Variants in ASIC2 observed in about 807,000 individuals in gnomAD.
ASIC2 encodes the protein acid-sensing ion channel 2.
In ASIC2, 25 loss-of-function variants were observed where a neutral mutation model predicts 57.3. The observed-to-expected ratio is 0.44, with a 90% CI of 0.32 to 0.61. The LOEUF is 0.61. Among genes scored for constraint, ASIC2 ranks in the 20% least tolerant of loss-of-function variants. The pLI, the probability that ASIC2 is intolerant of heterozygous loss-of-function variation, is 0.06. For missense variants in ASIC2, 641 were observed against 738.1 expected (o/e 0.87, Z 1.52); for synonymous variants, 319 against 307.5 (o/e 1.04, Z -0.39).
rs188008134 is a variant in ASIC2 at position 33,244,703 on chromosome 17, G to T, written c.708+46705C>A. On this transcript the variant is annotated intron_variant, in intron 1 of 9. Coordinates refer to ENST00000225823, the MANE Select transcript of ASIC2 (RefSeq NM_183377.2). ...GACCCTTGGCTCTTAGAGGATCCTT[G>T]CATATAGGGTCTTGTGCTTTCAACA... 3.9e-5 allele frequency among the ~76,000 whole-genome samples: 6 copies of T among 152,304 alleles called. No homozygotes were observed. The East Asian group carries it at 1.2e-3, about 29-fold the overall frequency.
At chr17:33,169,093 G>C (rs1433795561) in intron 1 of ASIC2, among the ~76,000 whole-genome samples, 1 of 152,198 alleles carries the variant, frequency 6.6e-6, no homozygotes, top group Non-Finnish European at 1.5e-5. Context: ...GCTGCCTTGG[G>C]AACCTGCACC....
At chr17:33,078,043 C>T (rs1224071474) in intron 3 of ASIC2, among the ~76,000 whole-genome samples, 3 of 144,886 alleles carry the variant, frequency 2.1e-5, no homozygotes, top group African/African-American at 8.7e-5. Flanking sequence ...CAGTGAACTG[C>T]CCATGAATCA....
chr17:33,014,755 C>T (rs1170568843), intron 9 of ASIC2, among the ~76,000 whole-genome samples: 1 of 152,100 alleles, frequency 6.6e-6, no homozygotes, highest in Non-Finnish European at 1.5e-5. Context: ...GGAGGAGAAA[C>T]AGGGTGGAGA....
intron 1 of ASIC2, among the ~76,000 whole-genome samples, chr17:33,459,478 C>G (rs1219925811): frequency 6.6e-6 from 1 of 152,122 alleles, no homozygotes; most frequent in Non-Finnish European, 1.5e-5. Flanking sequence ...CTTTCTTTGT[C>G]TTAGTTTTAT....
chr17:33,922,293 T>C (rs1915724469), intron 1 of ASIC2, among the ~76,000 whole-genome samples: 1 of 151,852 alleles, frequency 6.6e-6, no homozygotes, highest in South Asian at 2.1e-4. Context: ...CCCTCCTTCC[T>C]TCCCTCCCTC....
chr17:33,761,063 G>A (rs1268406663), intron 1 of ASIC2, among the ~76,000 whole-genome samples: 1 of 152,188 alleles, frequency 6.6e-6, no homozygotes. Context: ...TGTACCAGGT[G>A]TAGACATTCC....
intron 1 of ASIC2, among the ~76,000 whole-genome samples, chr17:33,613,427 C>G (rs374692485): frequency 1.4e-5 from 2 of 145,402 alleles, no homozygotes; most frequent in Non-Finnish European, 3.0e-5. Context: ...TGCAGTGTTG[C>G]GATCTCGGCT....
chr17:33,606,637 G>A (rs549352189), intron 1 of ASIC2, among the ~76,000 whole-genome samples: 1 of 152,214 alleles, frequency 6.6e-6, no homozygotes, highest in African/African-American at 2.4e-5. Context: ...CAGTGTCTAT[G>A]TATGTAGCAT....
chr17:34,109,257 A>C (rs964139972), intron 1 of ASIC2, among the ~76,000 whole-genome samples: 1 of 152,146 alleles, frequency 6.6e-6, no homozygotes, highest in Non-Finnish European at 1.5e-5. Flanking sequence ...TGTAGACGAT[A>C]CGTATAGCTC....
chr17:33,147,839 C>T lies in ASIC2; in HGVS notation c.709-35772G>A, dbSNP rs144397421. Among the ~76,000 whole-genome samples, 252 of 152,328 alleles carry T rather than the reference C, an allele frequency of 1.7e-3. 1 individual carries two copies. Among genetic ancestry groups the T allele is most frequent in the South Asian group, 7.7e-3 (37 of 4,822 alleles). ...CCTGTGGACCCCAATTTAGCTCCTA[C>T]TCAGGGGCTTCCCTCTCCAAGTTGG... On this transcript the variant is annotated intron_variant, in intron 1 of 9. Transcript: ENST00000225823.
At chr17:33,945,872 C>T (rs1225686257) in intron 1 of ASIC2, among the ~76,000 whole-genome samples, 1 of 152,196 alleles carries the variant, frequency 6.6e-6, no homozygotes, top group Admixed American at 6.5e-5. Context: ...GGAATTCATG[C>T]CCCACTGACC....
intron 1 of ASIC2, among the ~76,000 whole-genome samples, chr17:34,067,888 A>T (rs1909231592): frequency 6.6e-6 from 1 of 152,246 alleles, no homozygotes; most frequent in Non-Finnish European, 1.5e-5. Flanking sequence ...TACACAGATG[A>T]TAGACAGATG....
chr17:33,114,335 A>G (rs900922621), intron 1 of ASIC2, among the ~76,000 whole-genome samples: 18 of 152,380 alleles, frequency 1.2e-4, no homozygotes, highest in African/African-American at 3.8e-4. Context: ...ACTGTAATGA[A>G]CAGATAAGAG....
intron 1 of ASIC2, among the ~76,000 whole-genome samples, chr17:33,231,460 A>G (rs1908088417): frequency 6.6e-6 from 1 of 152,098 alleles, no homozygotes; most frequent in Non-Finnish European, 1.5e-5. Context: ...CCCGTGAAGC[A>G]TGGGGTCTGG....
chr17:33,289,386 G>C (rs554496625), intron 1 of ASIC2, among the ~76,000 whole-genome samples: 1 of 152,294 alleles, frequency 6.6e-6, no homozygotes, highest in East Asian at 1.9e-4. Context: ...TGAAGGGACT[G>C]TGTCCTCTGC....
chr17:33,815,528 A>T (rs891184815), intron 1 of ASIC2, among the ~76,000 whole-genome samples: 3 of 152,088 alleles, frequency 2.0e-5, no homozygotes, highest in Non-Finnish European at 4.4e-5. Flanking sequence ...TCTTTGGAGG[A>T]TCTGAATTCC....
chr17:33,373,744 C>A (rs1236897442), intron 1 of ASIC2, among the ~76,000 whole-genome samples: 2 of 152,068 alleles, frequency 1.3e-5, no homozygotes, highest in Admixed American at 1.3e-4. Context: ...GTGGCGTGAT[C>A]TTGGCTCACT....
intron 1 of ASIC2, among the ~76,000 whole-genome samples, chr17:33,753,995 C>T (rs1910511600): frequency 6.6e-6 from 1 of 152,170 alleles, no homozygotes. Flanking sequence ...TAGGAACACT[C>T]TATACTTTCT....
At position 33,418,947 on chromosome 17, in the gene ASIC2, C is replaced by T. The variant is rs369312883; in HGVS notation, c.556-306880G>A. Reference sequence around the variant, plus strand: ...GGAGGGGAACATCACACACCGGGGCCTGTCAGGGGTGGGGGGCTGGGGGAG... The same window carrying T: ...GGAGGGGAACATCACACACCGGGGCTTGTCAGGGGTGGGGGGCTGGGGGAG... On this transcript the variant is annotated intron_variant, in intron 1 of 9. Transcript: ENST00000359872. Among the ~76,000 whole-genome samples the T allele has an allele frequency of 1.7e-3, 186 of 109,406 alleles. 1 individual carries two copies. In the South Asian group the frequency reaches 0.032, roughly 19 times the overall value. The allele number at this position is 109,406 out of a possible 152,430, so 71.8% of individuals were successfully genotyped here. A position where few individuals can be genotyped will look rare whatever the true frequency, so the allele number is the denominator to read the frequency against.
Sources: gnomAD v4.1 joint callset for allele counts (sites outside exome capture counted in the v4.1 genomes callset) on GRCh38, gnomAD v4.1.1 for gene constraint, MANE v1.5 for transcripts, NCBI Gene and HGNC (gene_info 2026-07-23, HGNC 2026-07-21) for gene names.